UBL3: variants seen among roughly 807,000 people sequenced by gnomAD.
UBL3 encodes the protein ubiquitin like 3, also known as ubiquitin-like protein 3.
In UBL3, 6 loss-of-function variants were observed where a neutral mutation model predicts 18.4. The ratio of observed to expected loss-of-function variants is 0.33; its 90% confidence interval spans 0.18 to 0.64. The LOEUF is 0.64. Ranked by LOEUF, UBL3 falls within the 30% of genes least tolerant of loss-of-function variation. The probability of loss-of-function intolerance (pLI) is 0.76; values close to 1 mark genes in which losing one functional copy is unlikely to be tolerated. For synonymous variants in UBL3, 49 were observed against 46.6 expected (o/e 1.05, Z -0.21); for missense variants, 109 against 142.9 (o/e 0.76, Z 1.21).
chr13:29,794,494 A>G (rs1277877964), intron 1 of UBL3, among the ~76,000 whole-genome samples: 1 of 152,228 alleles, frequency 6.6e-6, no homozygotes, highest in Non-Finnish European at 1.5e-5. Context: ...CCTAGAAGTT[A>G]GAAGAAGATA....
chr13:29,822,940 C>T (rs1471081545), intron 1 of UBL3, among the ~76,000 whole-genome samples: 1 of 152,072 alleles, frequency 6.6e-6, no homozygotes, highest in African/African-American at 2.4e-5. Flanking sequence ...CAAACACACA[C>T]ATCACATCAC....
chr13:29,797,051 G>A (rs1565993778), intron 1 of UBL3, among the ~76,000 whole-genome samples: 4 of 152,144 alleles, frequency 2.6e-5, no homozygotes, highest in Middle Eastern at 3.4e-3. Flanking sequence ...AGCAGTTAAC[G>A]TATTTATAAA....
intron 1 of UBL3, among the ~76,000 whole-genome samples, chr13:29,837,915 C>CAAG (rs1555235004): frequency 7.1e-6 from 1 of 141,494 alleles, no homozygotes; most frequent in Non-Finnish European, 1.5e-5. Flanking sequence ...GACTCTGTCT[C>CAAG]AATAATAATA....
Position 29,849,502 on chromosome 13 carries a change from C to G in UBL3, c.27+10G>C. On this transcript the variant is annotated intron_variant, in intron 1 of 4. Coordinates refer to ENST00000380680, the MANE Select transcript of UBL3 (RefSeq NM_007106.4). ...AATTAAATCAGTGTCATAACTTATC[C>G]GTCACTTACCATATCCGCCGGGACA... 1 of 1,614,040 alleles carries G rather than the reference C, an allele frequency of 6.2e-7. No individual in the cohort carries two copies. Among genetic ancestry groups the G allele is most frequent in the Non-Finnish European group, 8.5e-7 (1 of 1,180,022 alleles).
At chr13:29,820,947 AG>A (rs1192546624) in intron 1 of UBL3, among the ~76,000 whole-genome samples, 1 of 152,246 alleles carries the variant, frequency 6.6e-6, no homozygotes, top group African/African-American at 2.4e-5. Context: ...CTCTGGAAAC[AG>A]AATGCCAGGG....
At chr13:29,822,249 A>C (rs1878476682) in intron 1 of UBL3, among the ~76,000 whole-genome samples, 1 of 152,238 alleles carries the variant, frequency 6.6e-6, no homozygotes, top group Admixed American at 6.5e-5. Flanking sequence ...AATATAATTG[A>C]AATCTAAAGA....
chr13:29,778,015 C>T (rs1167896450), intron 1 of UBL3, among the ~76,000 whole-genome samples: 38 of 152,172 alleles, frequency 2.5e-4, no homozygotes, highest in Admixed American at 2.6e-4. Flanking sequence ...GATCTGCCCA[C>T]CTTAGCCTCT....
intron 1 of UBL3, among the ~76,000 whole-genome samples, chr13:29,841,853 C>CA (rs1879109075): frequency 1.3e-5 from 2 of 152,310 alleles, no homozygotes; most frequent in African/African-American, 4.8e-5. Flanking sequence ...GGTTGATAAT[C>CA]AGACTGTGAT....
chr13:29,806,059 C>T lies in UBL3; in HGVS notation c.28-28796G>A, dbSNP rs1877889812. Among the ~76,000 whole-genome samples, 4 of 152,078 alleles carry T rather than the reference C, an allele frequency of 2.6e-5. No individual in the cohort carries two copies. In the South Asian group the frequency reaches 8.3e-4, roughly 32 times the overall value. ...GGGCATGGTGGCGTGTGCCTGTAGT[C>T]CCAGCTGCTTGGGAGGCTGAGGCAG... On this transcript the variant is annotated intron_variant, in intron 1 of 4. Transcript: ENST00000380680.
chr13:29,809,833 T>C (rs1877993671), intron 1 of UBL3, among the ~76,000 whole-genome samples: 4 of 152,124 alleles, frequency 2.6e-5, no homozygotes, highest in African/African-American at 7.2e-5. Flanking sequence ...AGTATTTCCA[T>C]ATAACCTAGC....
chr13:29,791,087 A>G (rs1406888109), intron 1 of UBL3, among the ~76,000 whole-genome samples: 1 of 152,164 alleles, frequency 6.6e-6, no homozygotes, highest in East Asian at 1.9e-4. Flanking sequence ...TTATTTCTTA[A>G]CAACAGATAT....
chr13:29,767,529 C>T (rs1876722164), intron 4 of UBL3, 89 bp downstream of exon 4: 12 of 1,416,580 alleles, frequency 8.5e-6, no homozygotes, highest in Non-Finnish European at 1.2e-5. Context: ...GCAAACTTCC[C>T]TTCCCTCAGC....
At chr13:29,836,064 C>T (rs531494407) in intron 1 of UBL3, among the ~76,000 whole-genome samples, 12 of 152,056 alleles carry the variant, frequency 7.9e-5, no homozygotes, top group African/African-American at 2.9e-4. Flanking sequence ...GGATTAGTTC[C>T]AAGATTAATA....
At chr13:29,800,213 T>C (rs1192513910) in intron 1 of UBL3, among the ~76,000 whole-genome samples, 1 of 152,252 alleles carries the variant, frequency 6.6e-6, no homozygotes, top group Non-Finnish European at 1.5e-5. Context: ...TTTTAAGATA[T>C]ATTTTGAAAT....
At chr13:29,814,452 CTA>C (rs1330196045) in intron 1 of UBL3, among the ~76,000 whole-genome samples, 6 of 147,864 alleles carry the variant, frequency 4.1e-5, no homozygotes, top group Non-Finnish European at 5.9e-5. Context: ...TATATAACAA[CTA>C]TATAATAAAA....
chr13:29,774,761 A>ATT (rs566846456), intron 2 of UBL3, among the ~76,000 whole-genome samples: 2 of 146,090 alleles, frequency 1.4e-5, no homozygotes, highest in African/African-American at 5.0e-5. Context: ...TTTAAATTGT[A>ATT]TTTTTTTTTT....
chr13:29,775,125 C>T (rs1039727305), intron 2 of UBL3, among the ~76,000 whole-genome samples: 1 of 152,188 alleles, frequency 6.6e-6, no homozygotes. Context: ...CAACAGTATT[C>T]ATGCTGTAAG....
At chr13:29,802,438 C>T (rs534837874) in intron 1 of UBL3, among the ~76,000 whole-genome samples, 50 of 152,298 alleles carry the variant, frequency 3.3e-4, no homozygotes, top group African/African-American at 1.2e-3. Context: ...CAAATGACCA[C>T]GCTAGTTCCC....
chr13:29,772,671 T>G (rs181958885), intron 2 of UBL3, among the ~76,000 whole-genome samples: 4 of 152,188 alleles, frequency 2.6e-5, no homozygotes, highest in Non-Finnish European at 5.9e-5. Flanking sequence ...ACAAAAAAAC[T>G]GTTTACTTTT....
Sources: allele counts gnomAD v4.1 joint callset (sites outside exome capture counted in the v4.1 genomes callset), GRCh38; gene constraint gnomAD v4.1.1; transcripts MANE v1.5; gene names NCBI Gene and HGNC (gene_info 2026-07-23, HGNC 2026-07-21).